The following KLHL32 variants were observed in gnomAD, a reference collection of about 807,000 sequenced individuals.
KLHL32 encodes kelch-like protein 32.
Under a neutral mutation model 64.8 loss-of-function variants are expected in KLHL32, and 35 were observed. The observed-to-expected ratio is 0.54, with a 90% CI of 0.41 to 0.72. The LOEUF (loss-of-function observed/expected upper bound fraction) is 0.72. Ranked by LOEUF, KLHL32 falls within the 30% of genes least tolerant of loss-of-function variation. The pLI, the probability that KLHL32 is intolerant of heterozygous loss-of-function variation, is 0.00. For synonymous variants in KLHL32, 259 were observed against 281.0 expected (o/e 0.92, Z 0.78); for missense variants, 589 against 768.5 (o/e 0.77, Z 2.76).
At chr6:97,136,835 G>A (rs1800074563) in intron 10 of KLHL32, among the ~76,000 whole-genome samples, 1 of 152,084 alleles carries the variant, frequency 6.6e-6, no homozygotes, top group South Asian at 2.1e-4. Context: ...GTCTCTGTTG[G>A]CCCAGGAAAC....
chr6:97,073,446 A>G (rs1214384715), intron 5 of KLHL32, among the ~76,000 whole-genome samples: 1 of 152,218 alleles, frequency 6.6e-6, no homozygotes, highest in African/African-American at 2.4e-5. Context: ...GCAACACAAT[A>G]CATGGTATTG....
chr6:96,973,725 A>C (rs754848813), intron 2 of KLHL32, among the ~76,000 whole-genome samples: 43 of 56,542 alleles, frequency 7.6e-4, no homozygotes, highest in Non-Finnish European at 1.5e-3. Context: ...ATCTTTACAG[A>C]TTGCCTTTTT....
intron 10 of KLHL32, 133 bp downstream of exon 10, chr6:97,132,880 TC>T: frequency 1.7e-6 from 1 of 593,680 alleles, no homozygotes; most frequent in African/African-American, 1.9e-5. Flanking sequence ...TGCAACTAGT[TC>T]AGCCACTAAA....
At chr6:96,985,171 C>A (rs982828166) in intron 3 of KLHL32, among the ~76,000 whole-genome samples, 2 of 152,180 alleles carry the variant, frequency 1.3e-5, no homozygotes, top group African/African-American at 4.8e-5. Flanking sequence ...GTTGAAAATT[C>A]TTTTCTTTAA....
chr6:96,933,007 T>C (rs1381304165), intron 1 of KLHL32, among the ~76,000 whole-genome samples: 1 of 152,214 alleles, frequency 6.6e-6, no homozygotes, highest in East Asian at 1.9e-4. Flanking sequence ...TATATGTAAC[T>C]GCCAAGGGGT....
intron 3 of KLHL32, among the ~76,000 whole-genome samples, chr6:97,030,423 C>T (rs780356413): frequency 3.3e-5 from 5 of 152,228 alleles, no homozygotes; most frequent in Non-Finnish European, 5.9e-5. Context: ...CATAAATCCA[C>T]ACCTCCCTCT....
intron 2 of KLHL32, among the ~76,000 whole-genome samples, chr6:96,973,600 ATGT>A (rs1169270493): frequency 6.6e-6 from 1 of 152,082 alleles, no homozygotes. Context: ...CTGCTGTGTC[ATGT>A]TGTTCTGTTC....
intron 1 of KLHL32, among the ~76,000 whole-genome samples, chr6:96,942,696 A>G (rs781511118): frequency 7.6e-6 from 1 of 131,950 alleles, no homozygotes; most frequent in Non-Finnish European, 1.6e-5. Context: ...TGTGTGATTC[A>G]GAATATCCCT....
intron 3 of KLHL32, among the ~76,000 whole-genome samples, chr6:96,985,930 TGGA>T (rs1472205254): frequency 6.6e-6 from 1 of 152,230 alleles, no homozygotes; most frequent in Non-Finnish European, 1.5e-5. Context: ...CTGTGTCCTT[TGGA>T]GGAGGAGAGG....
At chr6:97,116,897 A>G (rs2128212837) in intron 7 of KLHL32, among the ~76,000 whole-genome samples, 1 of 152,286 alleles carries the variant, frequency 6.6e-6, no homozygotes, top group East Asian at 1.9e-4. Context: ...TTGCACTAAT[A>G]TATGCTGCCT....
intron 3 of KLHL32, among the ~76,000 whole-genome samples, chr6:97,005,113 G>A (rs568070022): frequency 6.6e-6 from 1 of 151,962 alleles, no homozygotes; most frequent in East Asian, 1.9e-4. Flanking sequence ...TCTGGTCCTG[G>A]GCTTTTTCTG....
chr6:97,123,586 C>T (rs1337210554), intron 7 of KLHL32, among the ~76,000 whole-genome samples: 1 of 152,034 alleles, frequency 6.6e-6, no homozygotes, highest in Non-Finnish European at 1.5e-5. Context: ...TTCACTGTGG[C>T]ACTTCAAAGT....
At chr6:97,056,287 A>G (rs1787912578) in intron 4 of KLHL32, among the ~76,000 whole-genome samples, 1 of 151,564 alleles carries the variant, frequency 6.6e-6, no homozygotes, top group Non-Finnish European at 1.5e-5. Flanking sequence ...TTGTATTTTT[A>G]GTAGAGTCGG....
At chr6:97,102,697 A>T (rs1368962687) in intron 6 of KLHL32, among the ~76,000 whole-genome samples, 3 of 152,148 alleles carry the variant, frequency 2.0e-5, no homozygotes, top group African/African-American at 7.2e-5. Context: ...GTTTTGCTCA[A>T]ATATGAGGAG....
chr6:97,083,799 C>T (rs1792967753), intron 5 of KLHL32, among the ~76,000 whole-genome samples: 1 of 152,184 alleles, frequency 6.6e-6, no homozygotes, highest in Admixed American at 6.5e-5. Flanking sequence ...TTCCCATCCA[C>T]CGTACTATTG....
chr6:96,956,544 T>C (rs1773300772), intron 1 of KLHL32, among the ~76,000 whole-genome samples: 1 of 152,188 alleles, frequency 6.6e-6, no homozygotes, highest in South Asian at 2.1e-4. Flanking sequence ...CTCCTTTCTC[T>C]CCATCCTTTA....
intron 6 of KLHL32, among the ~76,000 whole-genome samples, chr6:97,102,618 T>G (rs1264997250): frequency 1.3e-5 from 2 of 152,172 alleles, no homozygotes; most frequent in African/African-American, 4.8e-5. Context: ...AATATTGTCT[T>G]TTGGCTCAGA....
rs1470661504 is a variant in KLHL32 at position 96,967,097 on chromosome 6, G to T, written c.23+14G>T. On this transcript the variant is annotated intron_variant, in intron 2 of 10. Transcript: ENST00000369261. ...ACGCTGCCTCAGGTATGCCCTGTAG[G>T]ATATGTCCTCACATGCCGTAGTGAG... 1 of 1,612,866 alleles carries T rather than the reference G, an allele frequency of 6.2e-7. No individual in the cohort carries two copies. Among genetic ancestry groups the T allele is most frequent in the African/African-American group, 1.3e-5 (1 of 74,900 alleles).
chr6:97,065,277 C>T lies in KLHL32; in HGVS notation c.411+551C>T, dbSNP rs76513583. On this transcript the variant is annotated intron_variant, in intron 5 of 10. Transcript: ENST00000369261. Reference sequence around the variant, plus strand: ...ATGAGAAGGAGGGAGAGAAAACCCCCGAACACCAAGCACTGACTGTGTGTT... The same window carrying T: ...ATGAGAAGGAGGGAGAGAAAACCCCTGAACACCAAGCACTGACTGTGTGTT... 8.5e-5 allele frequency among the ~76,000 whole-genome samples: 13 copies of T among 152,248 alleles called. No individual in the cohort carries two copies. The East Asian group carries it at 1.5e-3, about 18-fold the overall frequency.
Sources: allele counts gnomAD v4.1 joint callset (sites outside exome capture counted in the v4.1 genomes callset), GRCh38; gene constraint gnomAD v4.1.1; transcripts MANE v1.5; gene names NCBI Gene and HGNC (gene_info 2026-07-23, HGNC 2026-07-21).